Variants in MSANTD2 observed in about 807,000 individuals in gnomAD.
MSANTD2 encodes the protein myb/SANT-like DNA-binding domain-containing protein 2.
In MSANTD2, 19 loss-of-function variants were observed where a neutral mutation model predicts 52.6. That is an observed-to-expected ratio of 0.36 (90% CI 0.25 to 0.53). The LOEUF (loss-of-function observed/expected upper bound fraction) is 0.53. MSANTD2 is among the 20% of genes least tolerant of loss of function. The pLI, the probability that MSANTD2 is intolerant of heterozygous loss-of-function variation, is 0.91. For missense variants in MSANTD2, 558 were observed against 716.3 expected, an observed-to-expected ratio of 0.78 and a Z score of 2.52; for synonymous variants, 291 against 289.7, an observed-to-expected ratio of 1.00 and a Z score of -0.04.
chr11:124,797,918 T>A (rs1029353529), intron 1 of MSANTD2, among the ~76,000 whole-genome samples: 1 of 152,180 alleles, frequency 6.6e-6, no homozygotes, highest in Non-Finnish European at 1.5e-5. Context: ...ACTCCCTGGT[T>A]GAGAAACAAT....
intron 3 of MSANTD2, among the ~76,000 whole-genome samples, chr11:124,770,716 G>A (rs1319483353): frequency 6.6e-6 from 1 of 150,854 alleles, no homozygotes; most frequent in Middle Eastern, 3.5e-3. Context: ...AGCAATTCTT[G>A]TGCCTCAGCC....
chr11:124,787,392 T>C (rs1237642572), intron 1 of MSANTD2, among the ~76,000 whole-genome samples: 2 of 152,338 alleles, frequency 1.3e-5, no homozygotes, highest in East Asian at 3.9e-4. Flanking sequence ...TTTTCTTTTT[T>C]TGGAGTTGGA....
Position 124,774,587 on chromosome 11 carries a change from C to T in MSANTD2, c.766+132G>A. 6 of 871,304 alleles carry T rather than the reference C, an allele frequency of 6.9e-6. No homozygotes were observed. Among genetic ancestry groups the T allele is most frequent in the Non-Finnish European group, 1.1e-5 (6 of 567,932 alleles). 54.0% of individuals were successfully genotyped at this position (871,304 alleles called of 1,614,324 possible). ...ATGAAAGACATACAAGGCAGAGATG[C>T]CCTTTATGCCTTATGCTGACCACTA... On this transcript the variant is annotated intron_variant, in intron 2 of 3. Transcript: ENST00000374979. The surrounding 1 kb of genome is among the most constrained non-coding windows in gnomAD (Gnocchi z 5.1).
At chr11:124,799,699 T>C (rs1379425986) in intron 1 of MSANTD2, among the ~76,000 whole-genome samples, 172 bp downstream of exon 1, 2 of 152,098 alleles carry the variant, frequency 1.3e-5, no homozygotes, top group Non-Finnish European at 2.9e-5. Context: ...CTGGCGGCCA[T>C]CTGGGAAAAA....
rs1485338659 is a variant in MSANTD2, at chr11:124,779,191, A to G, written c.511-4217T>C. 6.6e-6 allele frequency: 1 copy of G among 152,204 alleles called. No individual in the cohort carries two copies. Among genetic ancestry groups the G allele is most frequent in the African/African-American group, 2.4e-5 (1 of 41,446 alleles). The allele number at this position is 152,204 out of a possible 1,614,324, so 9.4% of individuals were successfully genotyped here. ...CAGAAAAGGGCAAATAAAATATTGA[A>G]AGGCTTGGAAAATAAGATCTATAAG... On this transcript the variant is annotated intron_variant, in intron 1 of 3. Transcript: ENST00000374979. The surrounding 1 kb of genome is among the most constrained non-coding windows in gnomAD (Gnocchi z 4.6).
intron 1 of MSANTD2, among the ~76,000 whole-genome samples, chr11:124,788,411 CT>C (rs1945231593): frequency 6.6e-6 from 1 of 152,156 alleles, no homozygotes; most frequent in African/African-American, 2.4e-5. Flanking sequence ...ACTACTGTTT[CT>C]TGAAAAATAA....
intron 1 of MSANTD2, among the ~76,000 whole-genome samples, chr11:124,797,022 C>T (rs1945516714): frequency 6.6e-6 from 1 of 152,206 alleles, no homozygotes; most frequent in African/African-American, 2.4e-5. Context: ...TCAGTGACCA[C>T]ATTTGCTTCT....
chr11:124,793,092 C>T (rs1030890710), intron 1 of MSANTD2, among the ~76,000 whole-genome samples: 2 of 152,176 alleles, frequency 1.3e-5, no homozygotes, highest in Admixed American at 6.5e-5. Flanking sequence ...AACTTGAAAC[C>T]TTAGGGATTC....
chr11:124,784,590 G>A lies in MSANTD2; in HGVS notation c.511-9616C>T, dbSNP rs6590098. 9,895 of 985,238 alleles carry A rather than the reference G, an allele frequency of 0.01. 776 individuals are homozygous for A. The African/African-American group carries it at 0.16, about 16-fold the overall frequency. 61.0% of individuals were successfully genotyped at this position (985,238 alleles called of 1,614,324 possible). A position where few individuals can be genotyped will look rare whatever the true frequency, so the allele number is the denominator to read the frequency against. On this transcript the variant is annotated intron_variant, in intron 1 of 3. Transcript: ENST00000374979. The stretch of plus-strand genomic sequence containing the variant: ...ATTCATGAGACCAATGTTTAAAAGG[G>A]AGACTGTGCAGAGCAGGCTTCCCCT...
intron 1 of MSANTD2, among the ~76,000 whole-genome samples, chr11:124,796,584 C>T (rs1565470593): frequency 1.3e-5 from 2 of 152,088 alleles, no homozygotes; most frequent in African/African-American, 2.4e-5. Context: ...GTAGCTGGGA[C>T]AACAGGGAAG....
chr11:124,784,222 C>T (rs982986701), intron 1 of MSANTD2: 1 of 985,216 alleles, frequency 1.0e-6, no homozygotes, highest in Non-Finnish European at 1.2e-6. Context: ...CATTTGACCT[C>T]CTACATCACC....
At chr11:124,770,594 T>C (rs1944478593) in intron 3 of MSANTD2, among the ~76,000 whole-genome samples, 1 of 152,038 alleles carries the variant, frequency 6.6e-6, no homozygotes, top group Non-Finnish European at 1.5e-5. Flanking sequence ...CCACCGCGCT[T>C]TGCCTTGTAA....
At chr11:124,778,789 C>A (rs1455472212) in intron 1 of MSANTD2, among the ~76,000 whole-genome samples, 2 of 151,816 alleles carry the variant, frequency 1.3e-5, no homozygotes, top group African/African-American at 2.4e-5. Context: ...AAAGTTTTGC[C>A]AAAGTTTAAG....
Position 124,800,263 on chromosome 11 carries a change from C to A in MSANTD2, c.118G>T (p.Asp40Tyr). Residue 40 changes from aspartate (D) to tyrosine (Y), a missense_variant, in exon 1 of 4, where the codon GAC becomes TAC. Asp to Tyr is a radical substitution (Grantham distance 160, BLOSUM62 -3). Around this residue, in one of 2 missense-constraint regions of MSANTD2, gnomAD observed 150 missense variants for 142.7 expected, o/e 1.05. Transcript: ENST00000374979. The surrounding 1 kb of genome is among the most constrained non-coding windows in gnomAD (Gnocchi z 4.3). ...GLSDGNPSLS[D>Y]PSTPRGASPL... Reference sequence around the variant, plus strand: ...GAGGCACCCCGAGGCGTGGAAGGGTCGGACAGCGATGGATTTCCGTCGCTC... The same window carrying A: ...GAGGCACCCCGAGGCGTGGAAGGGTAGGACAGCGATGGATTTCCGTCGCTC... 2 of 1,567,620 alleles carry A rather than the reference C, an allele frequency of 1.3e-6. No individual in the cohort carries two copies. Among genetic ancestry groups the A allele is most frequent in the Non-Finnish European group, 1.7e-6 (2 of 1,159,942 alleles).
chr11:124,781,777 C>T (rs781773281), intron 1 of MSANTD2, among the ~76,000 whole-genome samples: 2 of 152,080 alleles, frequency 1.3e-5, no homozygotes, highest in African/African-American at 2.4e-5. Context: ...CTCAGCCTCC[C>T]GAGTAGCTGG....
At chr11:124,790,428 G>C (rs1945294231) in intron 1 of MSANTD2, 1 of 152,248 alleles carries the variant, frequency 6.6e-6, no homozygotes, top group Non-Finnish European at 1.5e-5. Context: ...AGCTGGTAGA[G>C]AAGTAGATAG....
At chr11:124,797,253 G>C (rs1429275181) in intron 1 of MSANTD2, among the ~76,000 whole-genome samples, 1 of 152,196 alleles carries the variant, frequency 6.6e-6, no homozygotes, top group African/African-American at 2.4e-5. Flanking sequence ...GGGAGGCCAA[G>C]GCAGGCGGAT....
chr11:124,780,443 C>T (rs747637420), intron 1 of MSANTD2, among the ~76,000 whole-genome samples: 6 of 152,226 alleles, frequency 3.9e-5, no homozygotes, highest in Non-Finnish European at 1.5e-5. Context: ...TTCACACTTA[C>T]TGCTACAGAA....
At chr11:124,783,724 A>G in intron 1 of MSANTD2, 1 of 985,198 alleles carries the variant, frequency 1.0e-6, no homozygotes, top group Non-Finnish European at 1.2e-6. Context: ...TAAGTTTTCT[A>G]GGTTCCTTCA....
Sources: gnomAD v4.1 joint callset for allele counts (sites outside exome capture counted in the v4.1 genomes callset) on GRCh38, gnomAD v4.1.1 for gene constraint, gnomAD v4.1.1 regional missense constraint, Gnocchi (gnomAD v3.1) non-coding constraint, MANE v1.5 for transcripts, NCBI Gene and HGNC (gene_info 2026-07-23, HGNC 2026-07-21) for gene names.